Variants in IBTK observed in about 807,000 individuals in gnomAD.
The protein encoded by IBTK is BTK-binding protein.
In IBTK, 83 loss-of-function variants were observed where a neutral mutation model predicts 154.9. The ratio of observed to expected loss-of-function variants is 0.54; its 90% CI spans 0.45 to 0.64. IBTK has a LOEUF of 0.64. IBTK is among the 30% of genes least tolerant of loss of function. The probability of loss-of-function intolerance (pLI) is 0.00; values close to 1 mark genes in which losing one functional copy is unlikely to be tolerated. For synonymous variants in IBTK, 515 were observed against 536.1 expected (o/e 0.96, Z 0.54); for missense variants, 1,332 against 1,584.6 (o/e 0.84, Z 2.71).
chr6:82,225,503 G>T lies in IBTK; in HGVS notation c.799C>A (p.Pro267Thr). 1 of 1,612,682 alleles carries T rather than the reference G, an allele frequency of 6.2e-7. No homozygotes were observed. Among genetic ancestry groups the T allele is most frequent in the Non-Finnish European group, 8.5e-7 (1 of 1,179,422 alleles). ...IFHQLGIIPP[P>T]SSCNVPRQIQ... The stretch of plus-strand genomic sequence containing the variant: ...TGTCTGGGTACATTACAACTGGAAG[G>T]CGGTGGAATAATTCCTAATTGATGA... Residue 267 changes from proline (P) to threonine (T), a missense_variant, in exon 6 of 29, where the codon CCT (proline) becomes ACT (threonine). Around this residue, in one of 3 missense-constraint regions of IBTK, gnomAD observed 1,134 missense variants for 1,274.7 expected, o/e 0.89. Transcript: ENST00000306270.
intron 1 of IBTK, among the ~76,000 whole-genome samples, chr6:82,246,441 C>CTTTTTTT (rs1554189129): frequency 9.0e-6 from 1 of 111,682 alleles, no homozygotes. Flanking sequence ...TTACAGGCAT[C>CTTTTTTT]TTTTTTTTTT....
chr6:82,190,626 A>G (rs1430048216), intron 25 of IBTK, among the ~76,000 whole-genome samples: 1 of 152,156 alleles, frequency 6.6e-6, no homozygotes, highest in Admixed American at 6.6e-5. Flanking sequence ...TATGATTATA[A>G]CCATGTAAAG....
At position 82,231,898 on chromosome 6, in the gene IBTK, T is replaced by C. The variant is rs539142252; in HGVS notation, c.419-56A>G. The C allele has an allele frequency of 1.4e-5, 13 of 950,806 alleles. No homozygotes were observed. The East Asian group carries it at 3.2e-4, about 24-fold the overall frequency. 58.9% of individuals were successfully genotyped at this position (950,806 alleles called of 1,614,324 possible). A position where few individuals can be genotyped will look rare whatever the true frequency, so the allele number is the denominator to read the frequency against. On this transcript the variant is annotated intron_variant, in intron 3 of 28. Transcript: ENST00000306270. ...TATATTTTAAAACACATATAAGAAC[T>C]AATTTAACTACAATATTTAGAAAGA...
chr6:82,191,504 C>G (rs1458606438), intron 24 of IBTK: 1 of 567,520 alleles, frequency 1.8e-6, no homozygotes, highest in Non-Finnish European at 3.1e-6. Flanking sequence ...CATCACAAGC[C>G]TTAACTCTTT....
At chr6:82,223,413 A>G (rs754782117) in intron 8 of IBTK, 27 bp downstream of exon 8, 2 of 1,544,094 alleles carry the variant, frequency 1.3e-6, no homozygotes, top group Admixed American at 1.8e-5. Flanking sequence ...TATTAAAATT[A>G]CGTTTCTTTC....
rs1769809204 is a variant in IBTK at position 82,214,823 on chromosome 6, A to G, written c.1608T>C (p.Tyr536=). 4 of 1,572,406 alleles carry G rather than the reference A, an allele frequency of 2.5e-6. No homozygotes were observed. In the East Asian group the frequency reaches 9.0e-5, roughly 35 times the overall value. The change falls in exon 12 of 29, where the codon TAT becomes TAC. Residue 536 remains tyrosine, a synonymous_variant. Transcript: ENST00000306270. ...ATGATGAGGACACAGCTGGAATTTC[A>G]TAAAGGCTAGAAAGAAGACAAAAAC... ...ILQSDPKTSL[Y]EIPAVSSSSF... is the part of the protein sequence containing the mutation.
chr6:82,220,517 T>C lies in IBTK; in HGVS notation c.1248+73A>G, dbSNP rs191430413. On this transcript the variant is annotated intron_variant, in intron 9 of 28. Coordinates refer to ENST00000306270, the MANE Select transcript of IBTK (RefSeq NM_015525.4). Reference sequence around the variant, plus strand: ...GAATTGTCACTAACATAGCAATACATTTTCATGTTACCAGGTCTGCTACAG... The same window carrying C: ...GAATTGTCACTAACATAGCAATACACTTTCATGTTACCAGGTCTGCTACAG... 7.2e-5 allele frequency: 103 copies of C among 1,433,798 alleles called. 1 individual carries two copies. In the African/African-American group the frequency reaches 1.3e-3, roughly 18 times the overall value. The allele number at this position is 1,433,798 out of a possible 1,614,324, so 88.8% of individuals were successfully genotyped here.
chr6:82,171,437 C>G lies in IBTK; in HGVS notation c.4050G>C (p.Lys1350Asn). The G allele has an allele frequency of 6.2e-7, 1 of 1,612,680 alleles. No individual in the cohort carries two copies. The highest frequency in any genetic ancestry group is 1.3e-5 in the African/African-American group (1 of 75,000). The change falls in exon 29 of 29, where the codon AAG becomes AAC. Residue 1350 changes from lysine to asparagine, a missense_variant. Physicochemically the swap from Lys to Asn is moderately conservative, Grantham distance 94. Transcript: ENST00000306270. ...ACTCCACAGTGAACTAGCATCCATG[C>G]TTATTCCACATAGGTACTGCCAGTG... ...QGPLAVPMWN[K>N]HGC is the part of the protein sequence containing the mutation.
intron 26 of IBTK, among the ~76,000 whole-genome samples, chr6:82,179,921 C>A (rs1317095493): frequency 1.3e-5 from 2 of 151,888 alleles, no homozygotes; most frequent in Non-Finnish European, 2.9e-5. Flanking sequence ...AAATGGGAAG[C>A]ATTAAGATAA....
intron 3 of IBTK, among the ~76,000 whole-genome samples, chr6:82,233,612 T>C (rs78337275): frequency 0.023 from 3,457 of 150,918 alleles, 124 homozygotes; most frequent in African/African-American, 0.07. Flanking sequence ...TCTTTGCAGA[T>C]AGCCACACAC....
chr6:82,197,031 T>A (rs1302647492), intron 21 of IBTK, among the ~76,000 whole-genome samples: 1 of 152,204 alleles, frequency 6.6e-6, no homozygotes. Context: ...AGGGTTGTTG[T>A]GAAATGTATA....
intron 3 of IBTK, among the ~76,000 whole-genome samples, chr6:82,233,088 C>T (rs1439766658): frequency 2.1e-5 from 3 of 145,042 alleles, no homozygotes; most frequent in African/African-American, 7.8e-5. Context: ...ACCCGGGAGG[C>T]GGAGGTTGCG....
chr6:82,195,124 A>T (rs1450053123), intron 22 of IBTK, among the ~76,000 whole-genome samples: 1 of 152,190 alleles, frequency 6.6e-6, no homozygotes, highest in Non-Finnish European at 1.5e-5. Flanking sequence ...ATGTCAAGGA[A>T]GTTATTAAAA....
chr6:82,225,749 A>C, intron 5 of IBTK, 102 bp from the exon 6 acceptor site: 1 of 824,022 alleles, frequency 1.2e-6, no homozygotes, highest in Non-Finnish European at 1.9e-6. Flanking sequence ...AAATGACATG[A>C]CTGATACATG....
chr6:82,229,755 A>T (rs942944784), intron 4 of IBTK, among the ~76,000 whole-genome samples: 4 of 152,156 alleles, frequency 2.6e-5, no homozygotes, highest in African/African-American at 9.7e-5. Flanking sequence ...TCCTTTCATT[A>T]TCCTAAGTTC....
At position 82,194,768 on chromosome 6, in the gene IBTK, T is replaced by C. The variant is rs548464161; in HGVS notation, c.3175-126A>G. 1.3e-5 allele frequency: 8 copies of C among 607,314 alleles called. No individual in the cohort carries two copies. The East Asian group carries it at 2.4e-4, about 18-fold the overall frequency. 37.6% of individuals were successfully genotyped at this position (607,314 alleles called of 1,614,324 possible). A position where few individuals can be genotyped will look rare whatever the true frequency, so the allele number is the denominator to read the frequency against. Reference sequence around the variant, plus strand: ...TAAAATCTTATGACAATAAGCCATCTAGTATTTTCAAATCATGTTCTTCTA... The same window carrying C: ...TAAAATCTTATGACAATAAGCCATCCAGTATTTTCAAATCATGTTCTTCTA... On this transcript the variant is annotated intron_variant, in intron 22 of 28. Transcript: ENST00000306270.
At chr6:82,211,304 T>C in intron 15 of IBTK, 63 bp downstream of exon 15, 5 of 1,317,820 alleles carry the variant, frequency 3.8e-6, no homozygotes, top group Non-Finnish European at 3.2e-6. Flanking sequence ...CTTTACTACA[T>C]ACTTTGCACA....
At chr6:82,239,011 T>TACA in intron 2 of IBTK, among the ~76,000 whole-genome samples, 1 of 151,612 alleles carries the variant, frequency 6.6e-6, no homozygotes, top group Non-Finnish European at 1.5e-5. Flanking sequence ...GTGCTAGGAT[T>TACA]ACAGCATGAG....
chr6:82,186,522 T>C (rs1768562445), intron 25 of IBTK, among the ~76,000 whole-genome samples: 2 of 152,160 alleles, frequency 1.3e-5, no homozygotes, highest in Non-Finnish European at 2.9e-5. Context: ...AGTATAAACA[T>C]TACTTTTACA....
Sources: gnomAD v4.1 joint callset for allele counts (sites outside exome capture counted in the v4.1 genomes callset) on GRCh38, gnomAD v4.1.1 for gene constraint, gnomAD v4.1.1 regional missense constraint, MANE v1.5 for transcripts, NCBI Gene and HGNC (gene_info 2026-07-23, HGNC 2026-07-21) for gene names.